PARPBP: variants seen among roughly 807,000 people sequenced by gnomAD.
PARPBP encodes PCNA-interacting partner.
A neutral mutation model predicts 50.0 loss-of-function variants in PARPBP; 52 were observed. The ratio of observed to expected loss-of-function variants is 1.04; its 90% CI spans 0.83 to 1.31. PARPBP has a LOEUF of 1.31. PARPBP is among the 50% of genes most tolerant of loss of function. PARPBP has a pLI of 0.00. For missense variants in PARPBP, 697 were observed against 672.0 expected (o/e 1.04, Z -0.41); for synonymous variants, 244 against 232.1 (o/e 1.05, Z -0.47).
At chr12:102,121,881 T>C (rs1252361858) in intron 1 of PARPBP, among the ~76,000 whole-genome samples, 1 of 152,208 alleles carries the variant, frequency 6.6e-6, no homozygotes, top group Admixed American at 6.5e-5. Context: ...AAACTCATAA[T>C]GCATGATAAT....
Position 102,195,423 on chromosome 12 carries a change from CT to C in PARPBP, c.1378del (p.Tyr460ThrfsTer10). The C allele has an allele frequency of 6.3e-7, 1 of 1,592,066 alleles. No homozygotes were observed. Among genetic ancestry groups the C allele is most frequent in the Non-Finnish European group, 8.6e-7 (1 of 1,167,194 alleles). On this transcript the variant is annotated frameshift_variant, in exon 10 of 11. Transcript: ENST00000327680. LOFTEE classifies it low-confidence loss of function (END_TRUNC). ...TTTAGCATCAAAGCCTTTGTGTGTT[CT>C]TTACATGGAAAATGACCTTTCTGGT... The part of the protein sequence containing the change: ...VNLASKPLCV[L>X]YMENDLSEGV...
At chr12:102,134,163 G>A (rs1426710618) in intron 2 of PARPBP, among the ~76,000 whole-genome samples, 1 of 147,930 alleles carries the variant, frequency 6.8e-6, no homozygotes, top group Non-Finnish European at 1.5e-5. Flanking sequence ...GATCAATGAA[G>A]CTAAGAGTTG....
At position 102,136,951 on chromosome 12, in the gene PARPBP, TTTTG is replaced by T. The variant is rs371278419; in HGVS notation, c.154-11263_154-11260del. On this transcript the variant is annotated intron_variant, in intron 2 of 10. Transcript: ENST00000327680. ...TGGTTTTTGTTTTGTTTTGTGTTTT[TTTTG>T]TTTGTTTGTTTGTTTTTGAGACAGA... is the stretch of plus-strand genomic sequence containing the variant. Among the ~76,000 whole-genome samples, 135 of 152,188 alleles carry T rather than the reference TTTTG, an allele frequency of 8.9e-4. No homozygotes were observed. In the East Asian group the frequency reaches 0.012, roughly 14 times the overall value.
At chr12:102,151,995 T>G in intron 3 of PARPBP, 1 of 543,928 alleles carries the variant, frequency 1.8e-6, no homozygotes, top group South Asian at 2.6e-5. Context: ...AATACAGAGC[T>G]AGATTTTATT....
At chr12:102,151,373 A>C (rs960665581) in intron 3 of PARPBP, among the ~76,000 whole-genome samples, 1 of 152,202 alleles carries the variant, frequency 6.6e-6, no homozygotes, top group Non-Finnish European at 1.5e-5. Flanking sequence ...AGCTGAAGGC[A>C]TAGGTTTTTG....
chr12:102,192,131 T>G (rs1324220299), intron 9 of PARPBP, among the ~76,000 whole-genome samples: 1 of 152,152 alleles, frequency 6.6e-6, no homozygotes, highest in Non-Finnish European at 1.5e-5. Flanking sequence ...TAAGTTCATT[T>G]TTTTGAGCTG....
In PARPBP at chr12:102,196,201, A is replaced by G. The variant is rs755356902; in HGVS notation, c.1650A>G (p.Lys550=). The G allele has an allele frequency of 1.2e-6, 2 of 1,611,904 alleles. No homozygotes were observed. Among genetic ancestry groups the G allele is most frequent in the East Asian group, 4.5e-5 (2 of 44,766 alleles). ...ATTCACAGAATAGATTGTACGGCAA[A>G]CTAGCTAAAGTAGCAAAAAGTAATA... ...SNDSQNRLYG[K]LAKVAKSNKC... The change falls in exon 11 of 11, where the codon AAA becomes AAG. Residue 550 remains lysine, a synonymous_variant. Coordinates refer to ENST00000327680, the MANE Select transcript of PARPBP (RefSeq NM_017915.5).
intron 7 of PARPBP, among the ~76,000 whole-genome samples, chr12:102,177,706 T>C (rs1419398007): frequency 6.6e-6 from 1 of 152,232 alleles, no homozygotes. Context: ...TCATTGGTTC[T>C]TTAAAATCTA....
chr12:102,195,359 T>C lies in PARPBP; in HGVS notation c.1311T>C (p.Asp437=). The change falls in exon 10 of 11, where the codon GAT becomes GAC. Residue 437 remains aspartate (D), a synonymous_variant. Coordinates refer to ENST00000327680, the MANE Select transcript of PARPBP (RefSeq NM_017915.5). ...CCCAATTTGCTTGTACTTATAAAGA[T>C]GACTACATGATAAGCAAGGATAATT... ...IRSQFACTYK[D]DYMISKDNWN... is the part of the protein sequence containing the mutation. 1 of 1,586,768 alleles carries C rather than the reference T, an allele frequency of 6.3e-7. No homozygotes were observed. The highest frequency in any genetic ancestry group is 8.6e-7 in the Non-Finnish European group (1 of 1,158,962).
chr12:102,158,871 T>G (rs1303702392), intron 4 of PARPBP, among the ~76,000 whole-genome samples: 1 of 152,230 alleles, frequency 6.6e-6, no homozygotes, highest in Non-Finnish European at 1.5e-5. Flanking sequence ...TTATAAAGTT[T>G]AAAGGAGTAT....
At chr12:102,151,746 C>G in intron 3 of PARPBP, 7 of 1,535,656 alleles carry the variant, frequency 4.6e-6, no homozygotes, top group Non-Finnish European at 6.1e-6. Context: ...GGATTCCCAT[C>G]ACGGTCCAGA....
chr12:102,172,316 A>T (rs1456889642), intron 6 of PARPBP, among the ~76,000 whole-genome samples: 1 of 152,172 alleles, frequency 6.6e-6, no homozygotes, highest in Admixed American at 6.5e-5. Context: ...TCCCCACTCA[A>T]ACTTGTCTAT....
chr12:102,124,960 A>T (rs1482869683), intron 2 of PARPBP, among the ~76,000 whole-genome samples: 1 of 152,232 alleles, frequency 6.6e-6, no homozygotes, highest in Non-Finnish European at 1.5e-5. Context: ...TCATTTTGAA[A>T]AAGGAAGAAT....
chr12:102,192,644 A>G (rs1402781587), intron 9 of PARPBP, among the ~76,000 whole-genome samples: 1 of 151,982 alleles, frequency 6.6e-6, no homozygotes, highest in East Asian at 1.9e-4. Flanking sequence ...ATCCATTTTC[A>G]TCTTATTATT....
At chr12:102,124,526 G>T (rs1488077303) in intron 2 of PARPBP, among the ~76,000 whole-genome samples, 1 of 152,192 alleles carries the variant, frequency 6.6e-6, no homozygotes, top group African/African-American at 2.4e-5. Context: ...TAGATTAAGG[G>T]TTAGAGGTGT....
chr12:102,197,256 A>G lies in PARPBP; in HGVS notation c.*965A>G. ...AATTGTATAATATTCTTGTTGATCA[A>G]TTCAAAGTTACTCTGCACTGTTTTT... On this transcript the variant is annotated 3_prime_UTR_variant, in exon 11 of 11. Coordinates refer to ENST00000327680, the MANE Select transcript of PARPBP (RefSeq NM_017915.5). The G allele has an allele frequency of 8.8e-7, 1 of 1,136,938 alleles. No individual in the cohort carries two copies. The highest frequency in any genetic ancestry group is 1.3e-6 in the Non-Finnish European group (1 of 791,302). The allele number at this position is 1,136,938 out of a possible 1,614,324, so 70.4% of individuals were successfully genotyped here.
chr12:102,196,938 G>T lies in PARPBP; in HGVS notation c.*647G>T. On this transcript the variant is annotated 3_prime_UTR_variant, in exon 11 of 11. Transcript: ENST00000327680. ...CTCAGAGTTCTGTTTAATGGTGGTA[G>T]GATGTAAGAATTGAATTTTGAAAAG... is the stretch of plus-strand genomic sequence containing the variant. 6.7e-7 allele frequency: 1 copy of T among 1,501,036 alleles called. No homozygotes were observed. Among genetic ancestry groups the T allele is most frequent in the Non-Finnish European group, 9.3e-7 (1 of 1,079,958 alleles). The allele number at this position is 1,501,036 out of a possible 1,614,324, so 93.0% of individuals were successfully genotyped here. A position where few individuals can be genotyped will look rare whatever the true frequency, so the allele number is the denominator to read the frequency against.
At chr12:102,146,409 G>A (rs1299821866) in intron 2 of PARPBP, among the ~76,000 whole-genome samples, 1 of 151,900 alleles carries the variant, frequency 6.6e-6, no homozygotes, top group East Asian at 1.9e-4. Flanking sequence ...CGGAAATAAT[G>A]CCACATATCT....
chr12:102,138,291 C>T (rs1317152790), intron 2 of PARPBP, among the ~76,000 whole-genome samples: 2 of 152,176 alleles, frequency 1.3e-5, no homozygotes, highest in East Asian at 3.8e-4. Context: ...CTTTTGGGTG[C>T]ATAAATATCT....
Sources: gnomAD v4.1 joint callset for allele counts (sites outside exome capture counted in the v4.1 genomes callset) on GRCh38, gnomAD v4.1.1 for gene constraint, MANE v1.5 for transcripts, NCBI Gene and HGNC (gene_info 2026-07-23, HGNC 2026-07-21) for gene names.